Variants in DAAM1 observed in about 807,000 individuals in gnomAD.
DAAM1 encodes disheveled-associated activator of morphogenesis 1.
In DAAM1, 52 loss-of-function variants were observed where a neutral mutation model predicts 130.0. The observed-to-expected ratio is 0.40, with a 90% CI of 0.32 to 0.50. The LOEUF is 0.50. DAAM1 is among the 20% of genes least tolerant of loss of function. DAAM1 has a pLI of 0.61. For synonymous variants in DAAM1, 452 were observed against 444.5 expected (o/e 1.02, Z -0.21); for missense variants, 1,134 against 1,303.8 (o/e 0.87, Z 2.01).
intron 2 of DAAM1, among the ~76,000 whole-genome samples, chr14:59,268,334 T>G (rs542616191): frequency 1.3e-5 from 2 of 152,378 alleles, no homozygotes; most frequent in African/African-American, 4.8e-5. Flanking sequence ...TAGATATATG[T>G]TTTAATTCTT....
chr14:59,215,351 CA>C (rs1319858739), intron 1 of DAAM1, among the ~76,000 whole-genome samples: 1 of 152,192 alleles, frequency 6.6e-6, no homozygotes, highest in Non-Finnish European at 1.5e-5. Context: ...GGTGTATGCC[CA>C]GAATAGTTCC....
At chr14:59,346,143 G>T (rs996297603) in intron 16 of DAAM1, among the ~76,000 whole-genome samples, 10 of 148,084 alleles carry the variant, frequency 6.8e-5, no homozygotes, top group South Asian at 2.2e-4. Flanking sequence ...TTTTTTGGGG[G>T]GGGGGGGGTG....
intron 21 of DAAM1, among the ~76,000 whole-genome samples, chr14:59,359,810 T>C (rs1886635505): frequency 6.6e-6 from 1 of 152,236 alleles, no homozygotes; most frequent in Non-Finnish European, 1.5e-5. Context: ...ATAGAAGACC[T>C]AAGTGTCAGA....
intron 1 of DAAM1, among the ~76,000 whole-genome samples, chr14:59,245,056 G>A (rs1401040319): frequency 6.7e-6 from 1 of 150,246 alleles, no homozygotes; most frequent in African/African-American, 2.5e-5. Flanking sequence ...GAAAAGGACG[G>A]GGGGGCCAGG....
chr14:59,329,517 G>C lies in DAAM1; in HGVS notation c.1373-984G>C, dbSNP rs201476679. Among the ~76,000 whole-genome samples, 10 of 152,276 alleles carry C rather than the reference G, an allele frequency of 6.6e-5. No homozygotes were observed. In the East Asian group the frequency reaches 1.9e-3, roughly 29 times the overall value. On this transcript the variant is annotated intron_variant, in intron 12 of 24. Transcript: ENST00000360909. Reference sequence around the variant, plus strand: ...AGACAGAGAAAACAAGAATTTAAATGTGTTAGCAAATTCAGAAATAGAGAC... The same window carrying C: ...AGACAGAGAAAACAAGAATTTAAATCTGTTAGCAAATTCAGAAATAGAGAC...
chr14:59,361,392 G>A (rs774982836), intron 22 of DAAM1, among the ~76,000 whole-genome samples: 43 of 152,162 alleles, frequency 2.8e-4, no homozygotes, highest in Non-Finnish European at 4.4e-4. Flanking sequence ...CAGCCTGGCC[G>A]CATCCAGATA....
intron 19 of DAAM1, among the ~76,000 whole-genome samples, chr14:59,354,339 C>T (rs1392653798): frequency 1.3e-5 from 2 of 152,142 alleles, no homozygotes; most frequent in Admixed American, 6.5e-5. Flanking sequence ...GGATTACAGG[C>T]GTGAGCCACT....
At chr14:59,351,374 G>A (rs1313986269) in intron 17 of DAAM1, among the ~76,000 whole-genome samples, 4 of 152,034 alleles carry the variant, frequency 2.6e-5, no homozygotes, top group African/African-American at 7.3e-5. Flanking sequence ...ACTCTCCTAC[G>A]TGAGATTTTT....
intron 12 of DAAM1, among the ~76,000 whole-genome samples, 159 bp downstream of exon 12, chr14:59,327,150 A>G (rs1885235157): frequency 6.6e-6 from 1 of 152,088 alleles, no homozygotes; most frequent in Admixed American, 6.5e-5. Context: ...AGTTTCTTAA[A>G]TTGAGCTATT....
chr14:59,188,825 G>A (rs1468026573), intron 1 of DAAM1, 57 bp downstream of exon 1: 1 of 152,980 alleles, frequency 6.5e-6, no homozygotes, highest in Non-Finnish European at 1.5e-5. Flanking sequence ...GCACTGCTCA[G>A]TGGTGCGGGG....
intron 16 of DAAM1, among the ~76,000 whole-genome samples, chr14:59,341,579 T>C (rs2139651251): frequency 6.6e-6 from 1 of 152,316 alleles, no homozygotes; most frequent in South Asian, 2.1e-4. Context: ...TAAATTAAAC[T>C]TTACCCTAGG....
At chr14:59,291,599 A>G in intron 3 of DAAM1, 2 of 334,906 alleles carry the variant, frequency 6.0e-6, no homozygotes, top group Non-Finnish European at 1.1e-5. Context: ...TGCGCTTTAC[A>G]TACCAGTCTG....
At position 59,307,016 on chromosome 14, in the gene DAAM1, G is replaced by T. The variant is rs546140375; in HGVS notation, c.274-8264G>T. Among the ~76,000 whole-genome samples the T allele has an allele frequency of 3.3e-5, 5 of 152,308 alleles. No individual in the cohort carries two copies. The South Asian group carries it at 1.0e-3, about 32-fold the overall frequency. On this transcript the variant is annotated intron_variant, in intron 3 of 24. Coordinates refer to ENST00000360909, the MANE Select transcript of DAAM1 (RefSeq NM_001270520.2). ...TGGAGCAGAGTATTAGTCATGCAGT[G>T]TGGCCTCTGCATTATACCTTTATAG...
At chr14:59,190,060 A>G (rs894706252) in intron 1 of DAAM1, among the ~76,000 whole-genome samples, 1 of 152,070 alleles carries the variant, frequency 6.6e-6, no homozygotes, top group Non-Finnish European at 1.5e-5. Flanking sequence ...TCGGAATCTT[A>G]GCCGCTGCCA....
chr14:59,361,986 T>TC (rs1232280780), intron 22 of DAAM1, among the ~76,000 whole-genome samples: 4 of 151,258 alleles, frequency 2.6e-5, no homozygotes, highest in Non-Finnish European at 5.9e-5. Flanking sequence ...AATTTTTTTT[T>TC]CAATAAATTA....
chr14:59,254,259 T>C (rs113689581), intron 1 of DAAM1, among the ~76,000 whole-genome samples: 6 of 152,166 alleles, frequency 3.9e-5, no homozygotes, highest in Non-Finnish European at 8.8e-5. Context: ...AAGTATTCTT[T>C]TCCATGACTG....
chr14:59,242,599 C>T (rs373270655), intron 1 of DAAM1, among the ~76,000 whole-genome samples: 3 of 152,152 alleles, frequency 2.0e-5, no homozygotes, highest in Admixed American at 6.5e-5. Flanking sequence ...CGCTCTATCC[C>T]CCAGGCTGGA....
intron 3 of DAAM1, among the ~76,000 whole-genome samples, chr14:59,313,411 G>A (rs925431826): frequency 3.3e-5 from 5 of 152,178 alleles, no homozygotes; most frequent in Non-Finnish European, 5.9e-5. Flanking sequence ...CAATATCTAC[G>A]TGTGCTGTTA....
intron 16 of DAAM1, among the ~76,000 whole-genome samples, chr14:59,343,987 A>G (rs1885958060): frequency 6.6e-6 from 1 of 152,208 alleles, no homozygotes; most frequent in Non-Finnish European, 1.5e-5. Flanking sequence ...TGCATGGGTG[A>G]CATGTAGCAA....
Sources: gnomAD v4.1 joint callset for allele counts (sites outside exome capture counted in the v4.1 genomes callset) on GRCh38, gnomAD v4.1.1 for gene constraint, MANE v1.5 for transcripts, NCBI Gene and HGNC (gene_info 2026-07-23, HGNC 2026-07-21) for gene names.